The following AGBL4 variants were observed in gnomAD, a reference collection of about 807,000 sequenced individuals.
The protein encoded by AGBL4 is cytosolic carboxypeptidase 6.
A neutral mutation model predicts 66.4 loss-of-function variants in AGBL4; 58 were observed. The ratio of observed to expected loss-of-function variants is 0.87; its 90% CI spans 0.71 to 1.09. The LOEUF (loss-of-function observed/expected upper bound fraction) is 1.09, where lower values mean the gene tolerates loss of function less well. AGBL4 is among the 50% of genes least tolerant of loss of function. The probability of loss-of-function intolerance (pLI) is 0.00; values close to 1 mark genes in which losing one functional copy is unlikely to be tolerated. For missense variants in AGBL4, 579 were observed against 631.0 expected, an observed-to-expected ratio of 0.92 and a Z score of 0.88; for synonymous variants, 234 against 222.9, an observed-to-expected ratio of 1.05 and a Z score of -0.44.
At chr1:49,845,990 G>A in intron 2 of AGBL4, 2 of 1,587,558 alleles carry the variant, frequency 1.3e-6, no homozygotes, top group Non-Finnish European at 1.7e-6. Context: ...CCACACTGAG[G>A]AGAAGCCCTA....
chr1:49,878,769 C>A (rs1222460999), intron 1 of AGBL4, among the ~76,000 whole-genome samples: 1 of 146,814 alleles, frequency 6.8e-6, no homozygotes, highest in South Asian at 2.3e-4. Context: ...GTGTTAAAGT[C>A]TCCCATTATT....
intron 3 of AGBL4, among the ~76,000 whole-genome samples, chr1:49,272,032 A>G (rs1378985410): frequency 1.3e-5 from 2 of 152,238 alleles, no homozygotes; most frequent in Non-Finnish European, 2.9e-5. Context: ...TGGCAGTGGT[A>G]CAATGAATGT....
intron 3 of AGBL4, among the ~76,000 whole-genome samples, chr1:49,532,658 C>T (rs1651231239): frequency 6.6e-6 from 1 of 152,012 alleles, no homozygotes. Flanking sequence ...TATACTTTTA[C>T]AAAGAAAAGG....
chr1:49,549,306 CT>C (rs200496007), intron 3 of AGBL4, among the ~76,000 whole-genome samples: 5 of 149,824 alleles, frequency 3.3e-5, no homozygotes, highest in Admixed American at 6.6e-5. Flanking sequence ...TGGTTATTTC[CT>C]TTTTTTCTGC....
intron 1 of AGBL4, among the ~76,000 whole-genome samples, chr1:49,976,996 T>C (rs920947415): frequency 6.6e-6 from 1 of 152,254 alleles, no homozygotes; most frequent in Non-Finnish European, 1.5e-5. Flanking sequence ...ATACTTCCCT[T>C]TGCCAATATT....
chr1:49,525,499 T>A (rs1650586416), intron 3 of AGBL4, among the ~76,000 whole-genome samples: 1 of 152,042 alleles, frequency 6.6e-6, no homozygotes, highest in Non-Finnish European at 1.5e-5. Flanking sequence ...TTCTTCTTTT[T>A]ATGTAATGTC....
At chr1:48,802,618 C>T (rs994346318) in intron 6 of AGBL4, among the ~76,000 whole-genome samples, 1 of 152,140 alleles carries the variant, frequency 6.6e-6, no homozygotes, top group African/African-American at 2.4e-5. Context: ...GCTTCACATG[C>T]ATAATGTCAT....
At chr1:48,805,520 T>C (rs1645903447) in intron 6 of AGBL4, among the ~76,000 whole-genome samples, 1 of 152,132 alleles carries the variant, frequency 6.6e-6, no homozygotes, top group Admixed American at 6.6e-5. Flanking sequence ...TAAGATTTCA[T>C]AGTCAAAGTA....
intron 1 of AGBL4, among the ~76,000 whole-genome samples, chr1:49,987,271 A>T (rs768684794): frequency 1.3e-4 from 20 of 152,190 alleles, no homozygotes; most frequent in Non-Finnish European, 2.5e-4. Flanking sequence ...GAAATTATTT[A>T]TTCCATTTTC....
At chr1:48,913,206 C>T (rs915330166) in intron 5 of AGBL4, among the ~76,000 whole-genome samples, 4 of 152,128 alleles carry the variant, frequency 2.6e-5, no homozygotes, top group South Asian at 2.1e-4. Flanking sequence ...AGGGGAGTGA[C>T]ATGATGGTCA....
rs75163064 is a variant in AGBL4 at position 49,369,374 on chromosome 1, G to C, written c.283-123510C>G. Among the ~76,000 whole-genome samples the C allele has an allele frequency of 2.3e-3, 345 of 152,274 alleles. 12 individuals are homozygous for C. The East Asian group carries it at 0.058, about 25-fold the overall frequency. ...CTGCTTCTGGCCAAACAGTGTAACA[G>C]GGAATAGATTTAACTTCTTGTCTTA... On this transcript the variant is annotated intron_variant, in intron 3 of 13. Transcript: ENST00000371839.
chr1:48,587,047 G>T lies in AGBL4; in HGVS notation c.1224C>A (p.Ile408=). ...GCACAGCAGCCGTGGTGCCACTGATGATGTAGCTGTAGAAGGAGACCTCTA... is the reference window on the plus strand; with the variant it reads ...GCACAGCAGCCGTGGTGCCACTGATTATGTAGCTGTAGAAGGAGACCTCTA... ...YTLEVSFYSY[I]ISGTTAAVPY... Residue 408 remains isoleucine (I), a synonymous_variant, in exon 11 of 14, where the codon ATC becomes ATA. Transcript: ENST00000371839. 1 of 1,609,164 alleles carries T rather than the reference G, an allele frequency of 6.2e-7. No individual in the cohort carries two copies. The highest frequency in any genetic ancestry group is 8.5e-7 in the Non-Finnish European group (1 of 1,177,976).
At chr1:49,729,821 G>A (rs1370355682) in intron 2 of AGBL4, among the ~76,000 whole-genome samples, 1 of 152,158 alleles carries the variant, frequency 6.6e-6, no homozygotes, top group Non-Finnish European at 1.5e-5. Flanking sequence ...ATAGCAGCAA[G>A]AGACAGACAG....
intron 1 of AGBL4, among the ~76,000 whole-genome samples, chr1:49,985,483 AT>A (rs1209466507): frequency 6.6e-6 from 1 of 152,168 alleles, no homozygotes; most frequent in Non-Finnish European, 1.5e-5. Context: ...GAGAAAAAAA[AT>A]CACAAGTATA....
intron 3 of AGBL4, among the ~76,000 whole-genome samples, chr1:49,522,299 T>C (rs1162518270): frequency 6.6e-6 from 1 of 152,106 alleles, no homozygotes; most frequent in Non-Finnish European, 1.5e-5. Context: ...GGTATAATAA[T>C]ATGGAGTCTC....
At chr1:49,581,386 T>C (rs1240242424) in intron 3 of AGBL4, among the ~76,000 whole-genome samples, 2 of 152,252 alleles carry the variant, frequency 1.3e-5, no homozygotes, top group South Asian at 2.1e-4. Flanking sequence ...AATTATTGTG[T>C]TTCTTTGAGG....
At chr1:49,452,016 T>C (rs1329610408) in intron 3 of AGBL4, among the ~76,000 whole-genome samples, 1 of 151,956 alleles carries the variant, frequency 6.6e-6, no homozygotes, top group Non-Finnish European at 1.5e-5. Context: ...TTTTGCCCAA[T>C]ACTAAACCTT....
intron 4 of AGBL4, among the ~76,000 whole-genome samples, chr1:49,052,054 T>C (rs548895798): frequency 6.7e-6 from 1 of 150,152 alleles, no homozygotes; most frequent in African/African-American, 2.4e-5. Flanking sequence ...TTATTTATTT[T>C]TCAGAGTTTA....
intron 2 of AGBL4, among the ~76,000 whole-genome samples, chr1:49,743,197 C>T (rs867753826): frequency 6.6e-6 from 1 of 152,104 alleles, no homozygotes; most frequent in Admixed American, 6.6e-5. Context: ...AACTCAAACA[C>T]ATTTACAAGA....
Sources: allele counts gnomAD v4.1 joint callset (sites outside exome capture counted in the v4.1 genomes callset), GRCh38; gene constraint gnomAD v4.1.1; transcripts MANE v1.5; gene names NCBI Gene and HGNC (gene_info 2026-07-23, HGNC 2026-07-21).